Variants in SRGAP1 observed in about 807,000 individuals in gnomAD.
The protein encoded by SRGAP1 is SLIT-ROBO Rho GTPase-activating protein 1.
In SRGAP1, 43 loss-of-function variants were observed where a neutral mutation model predicts 121.9. The ratio of observed to expected loss-of-function variants is 0.35; its 90% CI spans 0.28 to 0.46. The LOEUF (loss-of-function observed/expected upper bound fraction) is 0.46, where lower values mean the gene tolerates loss of function less well. Ranked by LOEUF, SRGAP1 falls within the 20% of genes least tolerant of loss-of-function variation. The probability of loss-of-function intolerance (pLI) is 1.00; values close to 1 mark genes in which losing one functional copy is unlikely to be tolerated. For synonymous variants in SRGAP1, 447 were observed against 485.4 expected (o/e 0.92, Z 1.04); for missense variants, 1,102 against 1,350.9 (o/e 0.82, Z 2.89).
chr12:63,928,551 T>C (rs921556424), intron 1 of SRGAP1, among the ~76,000 whole-genome samples: 1 of 152,070 alleles, frequency 6.6e-6, no homozygotes, highest in Non-Finnish European at 1.5e-5. Flanking sequence ...CTCAAAACCA[T>C]GAAAGTGTTT....
intron 18 of SRGAP1, among the ~76,000 whole-genome samples, chr12:64,121,085 C>T (rs1326860787): frequency 6.7e-6 from 1 of 150,274 alleles, no homozygotes; most frequent in Non-Finnish European, 1.5e-5. Flanking sequence ...ACAATCTTGG[C>T]TCACTGTAGC....
chr12:63,845,813 G>A (rs138988710), intron 1 of SRGAP1, among the ~76,000 whole-genome samples: 1 of 152,172 alleles, frequency 6.6e-6, no homozygotes, highest in Admixed American at 6.5e-5. Context: ...TGTTGGGACC[G>A]CCACTGTTCT....
At chr12:63,855,713 T>G (rs1899227560) in intron 1 of SRGAP1, among the ~76,000 whole-genome samples, 2 of 151,820 alleles carry the variant, frequency 1.3e-5, no homozygotes, top group Non-Finnish European at 2.9e-5. Context: ...GGTCTTGAAC[T>G]CCTGGGCTCA....
intron 6 of SRGAP1, among the ~76,000 whole-genome samples, chr12:64,044,511 A>G (rs550804388): frequency 6.6e-6 from 1 of 152,184 alleles, no homozygotes; most frequent in Non-Finnish European, 1.5e-5. Flanking sequence ...AGTAGCCGTC[A>G]TAATTTAAAC....
At chr12:64,141,754 C>T (rs2036966884) in intron 21 of SRGAP1, among the ~76,000 whole-genome samples, 1 of 152,006 alleles carries the variant, frequency 6.6e-6, no homozygotes, top group Non-Finnish European at 1.5e-5. Flanking sequence ...GAGTTCAAGA[C>T]CAACCTGGGC....
intron 11 of SRGAP1, among the ~76,000 whole-genome samples, chr12:64,089,067 G>A (rs2136579576): frequency 6.6e-6 from 1 of 152,306 alleles, no homozygotes; most frequent in Non-Finnish European, 1.5e-5. Context: ...CCCGGGATTA[G>A]CCAATTCCTA....
rs1226542559 is a variant in SRGAP1, at chr12:63,948,911, TC to T, written c.68-35034del. Among the ~76,000 whole-genome samples the T allele has an allele frequency of 9.8e-5, 8 of 81,676 alleles. 1 individual carries two copies. The highest frequency in any genetic ancestry group is 3.3e-4 in the African/African-American group (8 of 24,170). The allele number at this position is 81,676 out of a possible 152,430, so 53.6% of individuals were successfully genotyped here. On this transcript the variant is annotated intron_variant, in intron 1 of 21. Coordinates refer to ENST00000355086, the MANE Select transcript of SRGAP1 (RefSeq NM_020762.4). ...ATATATATATTCCATATATATATTT[TC>T]CATATATATATATTCCATATATATA...
At chr12:64,033,616 G>A (rs1047960198) in intron 4 of SRGAP1, among the ~76,000 whole-genome samples, 3 of 152,170 alleles carry the variant, frequency 2.0e-5, no homozygotes, top group African/African-American at 7.2e-5. Context: ...TACTCTGGGG[G>A]CTGAGGCAGG....
intron 1 of SRGAP1, among the ~76,000 whole-genome samples, chr12:63,860,376 T>C (rs955074480): frequency 6.6e-6 from 1 of 152,352 alleles, no homozygotes; most frequent in Non-Finnish European, 1.5e-5. Flanking sequence ...TATAATTACA[T>C]TATGAACTGA....
chr12:64,103,261 G>A (rs1305702452), intron 15 of SRGAP1, among the ~76,000 whole-genome samples: 1 of 152,184 alleles, frequency 6.6e-6, no homozygotes, highest in East Asian at 1.9e-4. Flanking sequence ...GAATTAAGGT[G>A]TGAGCCACTG....
In SRGAP1 at chr12:64,027,282, C is replaced by G. The variant is rs145694824; in HGVS notation, c.489+10270C>G. ...AGTCTCAGATGAGGCAGTCTATGCT[C>G]TTAGCCCACATGCTGTACTCCCTTT... is the stretch of plus-strand genomic sequence containing the variant. On this transcript the variant is annotated intron_variant, in intron 4 of 21. Transcript: ENST00000355086. Among the ~76,000 whole-genome samples the G allele has an allele frequency of 2.0e-5, 3 of 152,238 alleles. No homozygotes were observed. In the East Asian group the frequency reaches 5.8e-4, roughly 29 times the overall value.
At chr12:64,075,047 C>T (rs1042578834) in intron 8 of SRGAP1, among the ~76,000 whole-genome samples, 6 of 151,972 alleles carry the variant, frequency 3.9e-5, no homozygotes, top group East Asian at 1.9e-4. Context: ...CCTAACCCAG[C>T]GGCGCTAGAG....
At chr12:63,874,424 C>T (rs1202095431) in intron 1 of SRGAP1, among the ~76,000 whole-genome samples, 2 of 152,040 alleles carry the variant, frequency 1.3e-5, no homozygotes, top group African/African-American at 2.4e-5. Flanking sequence ...AGGATGATCT[C>T]GATCTCCTGA....
chr12:63,856,031 G>T (rs1324452693), intron 1 of SRGAP1, among the ~76,000 whole-genome samples: 10 of 152,034 alleles, frequency 6.6e-5, no homozygotes, highest in African/African-American at 2.4e-4. Context: ...GCTGAGGCAG[G>T]TGGATCACCT....
intron 1 of SRGAP1, among the ~76,000 whole-genome samples, chr12:63,901,040 TTGC>T (rs1166238445): frequency 6.6e-6 from 1 of 151,964 alleles, no homozygotes; most frequent in Non-Finnish European, 1.5e-5. Context: ...CTGGTTTGGG[TTGC>T]TGCTATGTGG....
rs879489762 is a variant in SRGAP1 at position 63,899,337 on chromosome 12, C to CA, written c.67+54465dup. Reference sequence around the variant, plus strand: ...GGGTGACAGAGTGAGATCCTGTCTCCAAAAAAAAAAAGGAACCAGGTTTGC... The same window carrying CA: ...GGGTGACAGAGTGAGATCCTGTCTCCAAAAAAAAAAAAGGAACCAGGTTTGC... On this transcript the variant is annotated intron_variant, in intron 1 of 21. Transcript: ENST00000355086. Among the ~76,000 whole-genome samples the CA allele has an allele frequency of 3.9e-3, 519 of 134,762 alleles. 3 individuals carry two copies. The highest frequency in any genetic ancestry group is 7.1e-3 in the South Asian group (30 of 4,198). The allele number at this position is 134,762 out of a possible 152,430, so 88.4% of individuals were successfully genotyped here.
At chr12:64,063,159 A>G in intron 7 of SRGAP1, 21 bp downstream of exon 7, 1 of 1,572,254 alleles carries the variant, frequency 6.4e-7, no homozygotes, top group South Asian at 1.1e-5. Flanking sequence ...GATCATTTTT[A>G]AAATAATGAA....
chr12:64,005,829 C>T (rs1298498043), intron 3 of SRGAP1, among the ~76,000 whole-genome samples: 1 of 152,016 alleles, frequency 6.6e-6, no homozygotes, highest in Non-Finnish European at 1.5e-5. Flanking sequence ...TGAAACCTAA[C>T]TTTACTGAAA....
At position 64,050,357 on chromosome 12, in the gene SRGAP1, A is replaced by C. The variant is rs536647934; in HGVS notation, c.801+6782A>C. On this transcript the variant is annotated intron_variant, in intron 6 of 21. Transcript: ENST00000355086. ...CTTTTTCTTTCCCAATTTGTACGTT[A>C]TTTCTTTCTCTTCTCTGATTCCACT... Among the ~76,000 whole-genome samples the C allele has an allele frequency of 4.6e-5, 7 of 152,200 alleles. No homozygotes were observed. The East Asian group carries it at 1.4e-3, about 29-fold the overall frequency.
Sources: gnomAD v4.1 joint callset for allele counts (sites outside exome capture counted in the v4.1 genomes callset) on GRCh38, gnomAD v4.1.1 for gene constraint, MANE v1.5 for transcripts, NCBI Gene and HGNC (gene_info 2026-07-23, HGNC 2026-07-21) for gene names.